Variants in ASAP1 observed in about 807,000 individuals in gnomAD.
ASAP1 encodes the protein arf-GAP with SH3 domain, ANK repeat and PH domain-containing protein 1.
ASAP1 carries 43 observed loss-of-function variants against 145.2 expected under a neutral mutation model. That is an observed-to-expected ratio of 0.30 (90% CI 0.23 to 0.38). The LOEUF is 0.38. Ranked by LOEUF, ASAP1 falls within the 10% of genes least tolerant of loss-of-function variation. The probability of loss-of-function intolerance (pLI) is 1.00; values close to 1 mark genes in which losing one functional copy is unlikely to be tolerated. For missense variants in ASAP1, 1,018 were observed against 1,355.3 expected (o/e 0.75, Z 3.91); for synonymous variants, 546 against 515.5 (o/e 1.06, Z -0.80).
At chr8:130,073,081 T>C (rs2097453411) in intron 27 of ASAP1, among the ~76,000 whole-genome samples, 1 of 149,754 alleles carries the variant, frequency 6.7e-6, no homozygotes, top group Admixed American at 6.7e-5. Flanking sequence ...AAATAGGCTG[T>C]TGTTGGTGAA....
intron 3 of ASAP1, among the ~76,000 whole-genome samples, chr8:130,293,776 T>G (rs2137328785): frequency 1.3e-5 from 2 of 152,334 alleles, no homozygotes; most frequent in South Asian, 2.1e-4. Context: ...CCATGTCCCC[T>G]ATTGTCCAGC....
chr8:130,080,874 C>T (rs2135324188), intron 25 of ASAP1, among the ~76,000 whole-genome samples: 1 of 152,290 alleles, frequency 6.6e-6, no homozygotes, highest in South Asian at 2.1e-4. Flanking sequence ...CTCCGGTGAT[C>T]CACCTGCCTC....
At chr8:130,239,681 T>C (rs957194307) in intron 3 of ASAP1, among the ~76,000 whole-genome samples, 1 of 152,134 alleles carries the variant, frequency 6.6e-6, no homozygotes, top group Non-Finnish European at 1.5e-5. Flanking sequence ...AGCATTTACT[T>C]AAAAGACTGA....
chr8:130,246,186 C>CA (rs1027084945), intron 3 of ASAP1, among the ~76,000 whole-genome samples: 46 of 152,044 alleles, frequency 3.0e-4, no homozygotes, highest in Middle Eastern at 6.8e-3. Context: ...CCTTCGCCCC[C>CA]CCATGGGAAA....
At chr8:130,157,804 A>C (rs1055728915) in intron 12 of ASAP1, among the ~76,000 whole-genome samples, 1 of 152,012 alleles carries the variant, frequency 6.6e-6, no homozygotes, top group Non-Finnish European at 1.5e-5. Context: ...AGTCTTCCCT[A>C]ATCACCTGTA....
At chr8:130,408,657 A>T (rs1488069636) in intron 1 of ASAP1, among the ~76,000 whole-genome samples, 1 of 152,178 alleles carries the variant, frequency 6.6e-6, no homozygotes, top group Non-Finnish European at 1.5e-5. Flanking sequence ...TATCCTATAA[A>T]TTCTGTTTCT....
intron 4 of ASAP1, among the ~76,000 whole-genome samples, chr8:130,218,892 T>C (rs1817106163): frequency 6.6e-6 from 1 of 152,066 alleles, no homozygotes; most frequent in Non-Finnish European, 1.5e-5. Context: ...TGTGTGTATA[T>C]ACTGGCATAT....
chr8:130,220,796 T>C (rs1193846737), intron 4 of ASAP1, among the ~76,000 whole-genome samples: 1 of 152,056 alleles, frequency 6.6e-6, no homozygotes, highest in East Asian at 1.9e-4. Flanking sequence ...AGAGTCATGG[T>C]GGAAGGGGAA....
At chr8:130,267,797 C>T (rs765554326) in intron 3 of ASAP1, among the ~76,000 whole-genome samples, 9 of 152,054 alleles carry the variant, frequency 5.9e-5, no homozygotes, top group African/African-American at 1.2e-4. Context: ...AAAATCTTCC[C>T]GTAAGTAGTC....
At chr8:130,192,728 T>C (rs1815225091) in intron 5 of ASAP1, among the ~76,000 whole-genome samples, 2 of 152,226 alleles carry the variant, frequency 1.3e-5, no homozygotes, top group Admixed American at 1.3e-4. Flanking sequence ...TCCCTATTTG[T>C]TGCTGTCTCC....
At chr8:130,080,066 T>G (rs1314997593) in intron 25 of ASAP1, 95 bp from the exon 26 acceptor site, 20 of 1,136,160 alleles carry the variant, frequency 1.8e-5, no homozygotes, top group Non-Finnish European at 2.6e-5. Context: ...ATTGCTCAGG[T>G]TCCAGAACGG....
At position 130,072,820 on chromosome 8, in the gene ASAP1, T is replaced by TGCGC. The variant is rs1276537977; in HGVS notation, c.2701+3527_2701+3528insGCGC. Among the ~76,000 whole-genome samples the TGCGC allele has an allele frequency of 2.0e-3, 44 of 22,086 alleles. 1 individual carries two copies. The highest frequency in any genetic ancestry group is 3.7e-3 in the Non-Finnish European group (37 of 10,008). 14.5% of individuals were successfully genotyped at this position (22,086 alleles called of 152,430 possible). On this transcript the variant is annotated intron_variant, in intron 27 of 29. Transcript: ENST00000518721. ...GTGTGTGTGTGTGTGTGTGTGTGTG[T>TGCGC]GTGTGCGCGCGGGGGGGGGCAGTTT...
chr8:130,330,623 G>C (rs934785399), intron 3 of ASAP1, among the ~76,000 whole-genome samples: 1 of 152,240 alleles, frequency 6.6e-6, no homozygotes, highest in Non-Finnish European at 1.5e-5. Context: ...AGGCCTTCAT[G>C]AGCATTTAAG....
At position 130,260,917 on chromosome 8, in the gene ASAP1, T is replaced by C. The variant is rs192516260; in HGVS notation, c.187-23923A>G. Among the ~76,000 whole-genome samples, 126 of 151,964 alleles carry C rather than the reference T, an allele frequency of 8.3e-4. 2 individuals carry two copies. The highest frequency in any genetic ancestry group is 2.5e-3 in the Admixed American group (38 of 15,256). ...TGGTGCATAAAACCAAATTTGCTTT[T>C]CCCCCCCTCAAGATAAAACACTGTA... is the stretch of plus-strand genomic sequence containing the variant. On this transcript the variant is annotated intron_variant, in intron 3 of 29. Coordinates refer to ENST00000518721, the MANE Select transcript of ASAP1 (RefSeq NM_018482.4).
intron 14 of ASAP1, among the ~76,000 whole-genome samples, chr8:130,136,357 G>C (rs760861339): frequency 3.9e-5 from 6 of 152,192 alleles, no homozygotes; most frequent in Non-Finnish European, 5.9e-5. Context: ...AAGTAGAAGA[G>C]TGACAGGGTG....
chr8:130,170,731 A>ATCTC (rs140376720), intron 9 of ASAP1, among the ~76,000 whole-genome samples: 4,019 of 149,894 alleles, frequency 0.027, 64 homozygotes, highest in Middle Eastern at 0.044. Context: ...GTAAAGCCTC[A>ATCTC]TCTCTCTCTC....
At chr8:130,238,581 T>A (rs1818348708) in intron 3 of ASAP1, among the ~76,000 whole-genome samples, 1 of 152,144 alleles carries the variant, frequency 6.6e-6, no homozygotes, top group African/African-American at 2.4e-5. Flanking sequence ...ACATCAGGTA[T>A]AAAACTTATT....
Position 130,057,941 on chromosome 8 carries a change from T to C in ASAP1, c.3315+13A>G, listed in dbSNP as rs778509613. On this transcript the variant is annotated intron_variant, in intron 29 of 29. Transcript: ENST00000518721. ...TGAATGTACGGATGAAGTGGATGGA[T>C]ATTCGTACGTACCCACCACTCCTGG... The C allele has an allele frequency of 3.7e-6, 6 of 1,613,720 alleles. No individual in the cohort carries two copies. The East Asian group carries it at 6.7e-5, about 18-fold the overall frequency.
intron 27 of ASAP1, among the ~76,000 whole-genome samples, chr8:130,073,281 T>A (rs1331254896): frequency 6.6e-6 from 1 of 151,754 alleles, no homozygotes; most frequent in African/African-American, 2.4e-5. Flanking sequence ...TCCCAGCTAC[T>A]TGGGAGGCCG....
Sources: allele counts gnomAD v4.1 joint callset (sites outside exome capture counted in the v4.1 genomes callset), GRCh38; gene constraint gnomAD v4.1.1; transcripts MANE v1.5; gene names NCBI Gene and HGNC (gene_info 2026-07-23, HGNC 2026-07-21).